The following RALGDS variants were observed in gnomAD, a reference collection of about 807,000 sequenced individuals.
The protein encoded by RALGDS is ral guanine nucleotide exchange factor.
A neutral mutation model predicts 99.8 loss-of-function variants in RALGDS; 44 were observed. The ratio of observed to expected loss-of-function variants is 0.44; its 90% confidence interval spans 0.35 to 0.57. The LOEUF is 0.57. Among genes scored for constraint, RALGDS ranks in the 20% least tolerant of loss-of-function variants. RALGDS has a pLI of 0.01. For missense variants in RALGDS, 1,022 were observed against 1,203.1 expected (o/e 0.85, Z 2.23); for synonymous variants, 529 against 505.0 (o/e 1.05, Z -0.64).
chr9:133,113,151 A>G (rs955658774), intron 1 of RALGDS, among the ~76,000 whole-genome samples: 6 of 152,158 alleles, frequency 3.9e-5, no homozygotes, highest in African/African-American at 1.4e-4. Flanking sequence ...CGGGGGGTTA[A>G]GGACATCAAC....
At chr9:133,107,012 G>C (rs916023607) in intron 7 of RALGDS, 73 bp downstream of exon 7, 1 of 1,528,274 alleles carries the variant, frequency 6.5e-7, no homozygotes. Context: ...CCTGTACAGG[G>C]CCTTGGACTG....
At chr9:133,102,726 G>C in intron 13 of RALGDS, 53 bp downstream of exon 13, 1 of 1,602,922 alleles carries the variant, frequency 6.2e-7, no homozygotes. Flanking sequence ...CTCTGGAGCT[G>C]GCCCCCTAGG....
chr9:133,110,236 CAGGTGG>C, intron 3 of RALGDS, 54 bp downstream of exon 3: 5 of 1,518,248 alleles, frequency 3.3e-6, no homozygotes, highest in East Asian at 2.3e-5. Flanking sequence ...GACCCGCAGC[CAGGTGG>C]GGGTGGGGGC....
In RALGDS at chr9:133,144,173, T is replaced by C. The variant is rs1198936412; in HGVS notation, c.18+4790A>G. Reference sequence around the variant, plus strand: ...TGGGCCTGCAGTAACAGGAGAGCTATCTGCAAACCGCAGTGTCATCAGCCG... The same window carrying C: ...TGGGCCTGCAGTAACAGGAGAGCTACCTGCAAACCGCAGTGTCATCAGCCG... On this transcript the variant is annotated intron_variant, in intron 1 of 17. Coordinates refer to the RALGDS transcript ENST00000393160. This position sits in a 1 kb window ranked among gnomAD's most constrained non-coding sequence, Gnocchi z 4.5. Among the ~76,000 whole-genome samples, 2 of 152,140 alleles carry C rather than the reference T, an allele frequency of 1.3e-5. No homozygotes were observed. The highest frequency in any genetic ancestry group is 2.9e-5 in the Non-Finnish European group (2 of 68,010).
In RALGDS at chr9:133,101,874, C is replaced by A. The variant is rs752488432; in HGVS notation, c.2211+64G>T. On this transcript the variant is annotated intron_variant, in intron 15 of 17. Transcript: ENST00000372050. The stretch of plus-strand genomic sequence containing the variant: ...GTGTTCAGGATCCAGGGCTTCCTGG[C>A]CCCATGCATGGATTTGGAGTGGGGA... The A allele has an allele frequency of 1.5e-5, 23 of 1,551,044 alleles. No homozygotes were observed. In the South Asian group the frequency reaches 2.7e-4, roughly 18 times the overall value.
At chr9:133,106,116 C>T in intron 8 of RALGDS, 100 bp from the exon 9 acceptor site, 1 of 894,524 alleles carries the variant, frequency 1.1e-6, no homozygotes, top group South Asian at 1.4e-5. Flanking sequence ...CCCAGACTGC[C>T]TGAACGCAGC....
Position 133,101,977 on chromosome 9 carries a change from G to A in RALGDS, c.2172C>T (p.Ile724=), listed in dbSNP as rs142584543. ...SSSSDVEEIN[I]SFVPESPDGQ... is the part of the protein sequence containing the mutation. ...CATCAGGAGACTCCGGGACGAAGCT[G>A]ATGTTGATCTCCTCCACGTCGGAGC... Residue 724 remains isoleucine (I), a synonymous_variant, in exon 15 of 18, where the codon ATC becomes ATT. Transcript: ENST00000372050. The A allele has an allele frequency of 5.3e-5, 83 of 1,551,696 alleles. No homozygotes were observed. In the African/African-American group the frequency reaches 1.1e-3, roughly 20 times the overall value.
intron 1 of RALGDS, 43 bp from the exon 2 acceptor site, chr9:133,112,195 G>A (rs1381079689): frequency 2.2e-6 from 3 of 1,338,076 alleles, no homozygotes; most frequent in Non-Finnish European, 3.1e-6. Context: ...GGACGTCAAG[G>A]GCCTGCCTGG....
At chr9:133,102,407 C>G (rs1287052917) in intron 14 of RALGDS, 69 bp downstream of exon 14, 1 of 1,524,926 alleles carries the variant, frequency 6.6e-7, no homozygotes, top group African/African-American at 1.4e-5. Flanking sequence ...ACTCCCTGAG[C>G]CCAGGCTCAG....
chr9:133,103,154 T>C, intron 12 of RALGDS, 76 bp downstream of exon 12: 4 of 1,561,178 alleles, frequency 2.6e-6, no homozygotes, highest in Non-Finnish European at 3.5e-6. Flanking sequence ...AAGGAGAGGG[T>C]AGGAGTTGAA....
chr9:133,098,718 A>T lies in RALGDS; in HGVS notation c.2614T>A (p.Ser872Thr), dbSNP rs750439381. Reference protein sequence around the residue: ...ENANVFYAMNSTANYDFVLKK... With the variant: ...ENANVFYAMNTTANYDFVLKK... The stretch of plus-strand genomic sequence containing the variant: ...AGGACAAAGTCATAGTTGGCGGTAG[A>T]GTTCATGGCATAGAAGACGTTGGCG... Residue 872 changes from serine (S) to threonine (T), a missense_variant, in exon 18 of 18, where the codon TCT (serine) becomes ACT (threonine). Coordinates refer to ENST00000372050, the MANE Select transcript of RALGDS (RefSeq NM_006266.4). The T allele has an allele frequency of 1.2e-6, 2 of 1,614,040 alleles. No homozygotes were observed. Among genetic ancestry groups the T allele is most frequent in the South Asian group, 2.2e-5 (2 of 91,078 alleles).
At chr9:133,133,757 C>T (rs1051993269), upstream of RALGDS, among the ~76,000 whole-genome samples, 77 of 152,360 alleles carry the variant, frequency 5.1e-4, no homozygotes, top group African/African-American at 1.9e-3. Context: ...CTGCCCAGCA[C>T]GCCGGGTGGC....
At chr9:133,101,191 G>C in intron 16 of RALGDS, 2 of 1,220,340 alleles carry the variant, frequency 1.6e-6, no homozygotes, top group Non-Finnish European at 2.1e-6. Flanking sequence ...AGCCATCATT[G>C]CTCCTGTCTT....
intron 13 of RALGDS, 73 bp from the exon 14 acceptor site, chr9:133,102,644 C>T (rs1354533389): frequency 7.5e-6 from 12 of 1,606,786 alleles, no homozygotes; most frequent in Non-Finnish European, 1.0e-5. Context: ...TGCCCAGAAG[C>T]TGGAGTCGGG....
At chr9:133,148,890 C>A (rs73660456) in intron 1 of RALGDS, 19 of 1,551,066 alleles carry the variant, frequency 1.2e-5, no homozygotes, top group Middle Eastern at 1.7e-4. Flanking sequence ...CTCCCTCCCC[C>A]CGGTGGGTGT....
At chr9:133,124,408 TG>T (rs1458023674), upstream of RALGDS, among the ~76,000 whole-genome samples, 1 of 151,868 alleles carries the variant, frequency 6.6e-6, no homozygotes, top group Non-Finnish European at 1.5e-5. Flanking sequence ...AGAGGCTGGG[TG>T]TGGTGGCTCA....
chr9:133,114,139 C>T (rs1042166152), intron 1 of RALGDS, among the ~76,000 whole-genome samples: 6 of 152,180 alleles, frequency 3.9e-5, no homozygotes, highest in Admixed American at 2.0e-4. Context: ...CCCCCACCCC[C>T]GGGGGGCCCT....
At chr9:133,118,323 TCAAA>T (rs1341792912) in intron 1 of RALGDS, among the ~76,000 whole-genome samples, 4 of 151,988 alleles carry the variant, frequency 2.6e-5, no homozygotes, top group Non-Finnish European at 4.4e-5. Flanking sequence ...GATCAAGAGA[TCAAA>T]CAGTGGGAAG....
In RALGDS at chr9:133,108,095, A is replaced by G. The variant is rs769672922; in HGVS notation, c.1090T>C (p.Ser364Pro). The G allele has an allele frequency of 1.2e-6, 2 of 1,613,712 alleles. No homozygotes were observed. The highest frequency in any genetic ancestry group is 2.2e-5 in the South Asian group (2 of 91,082). Reference sequence around the variant, plus strand: ...TCTGCAACCACAGGTGAAGGCCAGGAAGGCTGTAATGATGGAACTGGTGCT... The same window carrying G: ...TCTGCAACCACAGGTGAAGGCCAGGGAGGCTGTAATGATGGAACTGGTGCT... Reference protein sequence around the residue: ...APAPVPSLQPSWPSPVVAENG... With the variant: ...APAPVPSLQPPWPSPVVAENG... The change falls in exon 6 of 18, where the codon TCC becomes CCC. Residue 364 changes from serine (S) to proline (P), a missense_variant. Ser to Pro is a moderately conservative substitution (Grantham distance 74, BLOSUM62 -1). Transcript: ENST00000372050.
Sources: gnomAD v4.1 joint callset for allele counts (sites outside exome capture counted in the v4.1 genomes callset) on GRCh38, gnomAD v4.1.1 for gene constraint, Gnocchi (gnomAD v3.1) non-coding constraint, MANE v1.5 for transcripts, NCBI Gene and HGNC (gene_info 2026-07-23, HGNC 2026-07-21) for gene names.